Variants in HMCN1 observed in about 807,000 individuals in gnomAD.
HMCN1 encodes hemicentin-1.
HMCN1 carries 321 observed loss-of-function variants against 625.9 expected under a neutral mutation model. That is an observed-to-expected ratio of 0.51 (90% confidence interval 0.47 to 0.56). The LOEUF is 0.56. Among genes scored for constraint, HMCN1 ranks in the 20% least tolerant of loss-of-function variants. The pLI is 0.00. For synonymous variants in HMCN1, 2,425 were observed against 2,417.6 expected (o/e 1.00, Z -0.09); for missense variants, 6,588 against 6,887.3 (o/e 0.96, Z 1.54).
intron 1 of HMCN1, among the ~76,000 whole-genome samples, chr1:185,796,384 C>T (rs1011809902): frequency 3.3e-5 from 5 of 152,150 alleles, no homozygotes; most frequent in African/African-American, 1.2e-4. Context: ...CCCTGGTGTA[C>T]ATTGTACCCA....
intron 4 of HMCN1, among the ~76,000 whole-genome samples, chr1:185,871,486 C>T (rs534406549): frequency 2.0e-5 from 3 of 152,030 alleles, no homozygotes; most frequent in Non-Finnish European, 4.4e-5. Context: ...TAGAACATAT[C>T]GATAAATATT....
At chr1:186,080,683 G>A (rs1038526932) in intron 55 of HMCN1, among the ~76,000 whole-genome samples, 7 of 152,144 alleles carry the variant, frequency 4.6e-5, no homozygotes, top group Non-Finnish European at 1.0e-4. Context: ...AACCAAGCTC[G>A]CAGATGATGC....
chr1:186,137,076 A>C (rs926550137), intron 87 of HMCN1, 139 bp downstream of exon 87: 45 of 1,061,556 alleles, frequency 4.2e-5, no homozygotes, highest in Non-Finnish European at 6.0e-5. Context: ...AAATCATCAA[A>C]ATTTACAGAT....
intron 105 of HMCN1, among the ~76,000 whole-genome samples, 174 bp from the exon 106 acceptor site, chr1:186,187,709 T>G (rs1653428893): frequency 6.6e-6 from 1 of 152,138 alleles, no homozygotes; most frequent in African/African-American, 2.4e-5. Flanking sequence ...GAAATAACCC[T>G]GCCAGGTGTC....
At position 186,016,195 on chromosome 1, in the gene HMCN1, G is replaced by C. The variant is rs146790750; in HGVS notation, c.5147G>C (p.Ser1716Thr). ...GGACAGTACATATGCGTGGCTACCA[G>C]TGTGGCAGGAGAAAAGGAAATCAAA... Reference protein sequence around the residue: ...DRGQYICVATSVAGEKEIKYE... With the variant: ...DRGQYICVATTVAGEKEIKYE... The change falls in exon 32 of 107, where the codon AGT (serine) becomes ACT (threonine). Residue 1716 changes from serine (S) to threonine (T), a missense_variant. This residue lies in a region of HMCN1 where 4,628 missense variants were observed against 4,853.1 expected (regional missense o/e 0.95). Transcript: ENST00000271588. 83 of 1,613,208 alleles carry C rather than the reference G, an allele frequency of 5.1e-5. No homozygotes were observed. Among genetic ancestry groups the C allele is most frequent in the Non-Finnish European group, 7.0e-5 (82 of 1,179,458 alleles).
chr1:186,123,405 T>A (rs1005235623), intron 81 of HMCN1, among the ~76,000 whole-genome samples, 185 bp downstream of exon 81: 9 of 152,174 alleles, frequency 5.9e-5, no homozygotes, highest in Non-Finnish European at 1.0e-4. Flanking sequence ...TGTGTGTTTG[T>A]GCACATAGGT....
intron 4 of HMCN1, among the ~76,000 whole-genome samples, chr1:185,899,155 C>G (rs551952120): frequency 2.0e-5 from 3 of 152,214 alleles, no homozygotes; most frequent in Non-Finnish European, 4.4e-5. Flanking sequence ...AACTTCTCCT[C>G]TAGTACATGT....
chr1:186,124,638 TATA>T (rs1558241604), intron 81 of HMCN1, among the ~76,000 whole-genome samples: 3 of 152,068 alleles, frequency 2.0e-5, no homozygotes, highest in Admixed American at 1.3e-4. Context: ...TATTTAATCA[TATA>T]ATCATAAAGG....
chr1:185,845,411 G>A (rs1661751649), intron 1 of HMCN1, among the ~76,000 whole-genome samples: 1 of 152,042 alleles, frequency 6.6e-6, no homozygotes, highest in Non-Finnish European at 1.5e-5. Flanking sequence ...AGTAGAGACG[G>A]GGTTTCACCA....
chr1:185,916,245 A>G (rs1028290255), intron 6 of HMCN1, among the ~76,000 whole-genome samples: 2 of 152,186 alleles, frequency 1.3e-5, no homozygotes, highest in African/African-American at 4.8e-5. Context: ...TATTTTATTG[A>G]AACCATCTAT....
intron 48 of HMCN1, among the ~76,000 whole-genome samples, 166 bp from the exon 49 acceptor site, chr1:186,065,072 A>G (rs1658019114): frequency 6.6e-6 from 1 of 152,190 alleles, no homozygotes; most frequent in Non-Finnish European, 1.5e-5. Context: ...AACCATTATT[A>G]TTATAAAATA....
At chr1:186,034,431 T>G (rs1199960529) in intron 36 of HMCN1, among the ~76,000 whole-genome samples, 1 of 152,174 alleles carries the variant, frequency 6.6e-6, no homozygotes, top group African/African-American at 2.4e-5. Flanking sequence ...ATGAAGTCTG[T>G]TTTTATAGAC....
At chr1:186,039,192 A>G (rs950195755) in intron 38 of HMCN1, among the ~76,000 whole-genome samples, 187 bp downstream of exon 38, 1 of 152,220 alleles carries the variant, frequency 6.6e-6, no homozygotes, top group African/African-American at 2.4e-5. Context: ...CAATTTCCAC[A>G]TGCTGTTGAC....
chr1:186,006,147 A>C (rs1484475078), intron 29 of HMCN1, among the ~76,000 whole-genome samples: 3 of 152,058 alleles, frequency 2.0e-5, no homozygotes, highest in African/African-American at 7.2e-5. Flanking sequence ...AAAAAAAAAA[A>C]AAAAAACCTT....
chr1:186,085,317 A>G (rs995964239), intron 57 of HMCN1, among the ~76,000 whole-genome samples: 2 of 152,128 alleles, frequency 1.3e-5, no homozygotes, highest in Non-Finnish European at 2.9e-5. Flanking sequence ...CGGAAAGTCC[A>G]AGATCAAGGT....
chr1:186,000,559 ATGTGTGTGTG>A (rs68110596), intron 26 of HMCN1, among the ~76,000 whole-genome samples: 1,470 of 144,744 alleles, frequency 0.01, 34 homozygotes, highest in African/African-American at 0.035. Context: ...GTGTGTGTGT[ATGTGTGTGTG>A]TGTGTGTGTG....
chr1:186,121,354 T>C (rs1661388581), intron 80 of HMCN1, among the ~76,000 whole-genome samples: 1 of 152,146 alleles, frequency 6.6e-6, no homozygotes, highest in Non-Finnish European at 1.5e-5. Context: ...TAGGTAATGG[T>C]TTAGAGAAAA....
At chr1:185,950,543 T>A (rs1571605201) in intron 11 of HMCN1, among the ~76,000 whole-genome samples, 1 of 151,730 alleles carries the variant, frequency 6.6e-6, no homozygotes, top group East Asian at 1.9e-4. Flanking sequence ...GTTTGAGAGA[T>A]CAGTCGGACA....
intron 36 of HMCN1, 149 bp from the exon 37 acceptor site, chr1:186,037,784 AT>A: frequency 1.5e-6 from 1 of 646,166 alleles, no homozygotes; most frequent in Non-Finnish European, 2.8e-6. Context: ...TCTTCAGTCT[AT>A]TTAATAGTTT....
Sources: allele counts gnomAD v4.1 joint callset (sites outside exome capture counted in the v4.1 genomes callset), GRCh38; gene constraint gnomAD v4.1.1; regional missense constraint gnomAD v4.1.1; transcripts MANE v1.5; gene names NCBI Gene and HGNC (gene_info 2026-07-23, HGNC 2026-07-21).